ZMYM3: variants seen among roughly 807,000 people sequenced by gnomAD.
ZMYM3 encodes the protein zinc finger MYM-type containing 3.
Under a neutral mutation model 94.2 loss-of-function variants are expected in ZMYM3, and 6 were observed. The ratio of observed to expected loss-of-function variants is 0.06; its 90% confidence interval spans 0.03 to 0.13. The LOEUF (loss-of-function observed/expected upper bound fraction) is 0.13. ZMYM3 is among the 10% of genes least tolerant of loss of function. ZMYM3 has a pLI of 1.00. For missense variants in ZMYM3, 664 were observed against 1,132.6 expected (o/e 0.59, Z 5.94); for synonymous variants, 420 against 426.5 (o/e 0.98, Z 0.19).
intron 22 of ZMYM3, 30 bp downstream of exon 22, chrX:71,242,940 G>A (rs762304945): frequency 1.7e-6 from 2 of 1,150,888 alleles, no homozygotes; most frequent in Non-Finnish European, 2.4e-6. Flanking sequence ...GGAGAAAGCG[G>A]GTAGGGGTTG....
At chrX:71,248,991 G>C (rs779552545) in intron 8 of ZMYM3, 28 bp downstream of exon 8, 17 of 1,209,110 alleles carry the variant, frequency 1.4e-5, no homozygotes, top group Non-Finnish European at 1.8e-5. Context: ...GCCAGCAGGG[G>C]ACTCAGAGAA....
At chrX:71,251,654 C>A in intron 2 of ZMYM3, 53 bp from the exon 3 acceptor site, 1 of 1,114,906 alleles carries the variant, frequency 9.0e-7, no homozygotes, top group Non-Finnish European at 1.2e-6. Flanking sequence ...TCACCACCCT[C>A]TCCCCGGCCC....
chrX:71,250,393 A>C, intron 5 of ZMYM3, 39 bp downstream of exon 5: 2 of 1,166,601 alleles, frequency 1.7e-6, no homozygotes, highest in Non-Finnish European at 2.3e-6. Flanking sequence ...TCCTGCCCAG[A>C]TCCCTGCCCT....
In ZMYM3 at chrX:71,241,058, C is replaced by T. The variant is rs767440069; in HGVS notation, c.3971G>A (p.Arg1324Gln). ...RNDVFYLQPE[R>Q]SCIAESPLWY... ...GAGAGGTGACTCGGCGATGCAGGAC[C>T]GTTCAGGTTGCAGGTAGAACACATC... The change falls in exon 25 of 25, where the codon CGG (arginine) becomes CAG (glutamine). Residue 1324 changes from arginine to glutamine, a missense_variant. Physicochemically the swap from Arg to Gln is conservative, Grantham distance 43 (BLOSUM62 1). Coordinates refer to ENST00000314425, the MANE Select transcript of ZMYM3 (RefSeq NM_201599.3). 7 of 1,211,190 alleles carry T rather than the reference C, an allele frequency of 5.8e-6. No homozygotes were observed. The highest frequency in any genetic ancestry group is 7.8e-6 in the Non-Finnish European group (7 of 895,351).
chrX:71,242,449 C>T, intron 22 of ZMYM3, 25 bp from the exon 23 acceptor site: 1 of 1,204,075 alleles, frequency 8.3e-7, no homozygotes, highest in African/African-American at 1.7e-5. Flanking sequence ...GGGGAGAGGC[C>T]AGTCAGGAGG....
In ZMYM3 at chrX:71,253,005, C is replaced by T. The variant is rs1012530518; in HGVS notation, c.251G>A (p.Gly84Glu). ...GGGAGAGGGGGCTTTATAGAGCAGC[C>T]CCCCCAGCCCCAGCAACTCAGTGGC... ...DGATELLGLG[G>E]LLYKAPSPPE... The change falls in exon 2 of 25, where the codon GGG becomes GAG. Residue 84 changes from glycine (G) to glutamate (E), a missense_variant. Around this residue, in one of 9 missense-constraint regions of ZMYM3, gnomAD observed 196 missense variants for 190.8 expected, o/e 1.03. Coordinates refer to ENST00000314425, the MANE Select transcript of ZMYM3 (RefSeq NM_201599.3). 4 of 1,206,855 alleles carry T rather than the reference C, an allele frequency of 3.3e-6. No individual in the cohort carries two copies. The South Asian group carries it at 5.3e-5, about 16-fold the overall frequency.
Position 71,240,833 on chromosome X carries a change from T to C in ZMYM3, c.*83A>G, listed in dbSNP as rs986245600. The stretch of plus-strand genomic sequence containing the variant: ...TCAGGGCCCTTCAGAATGAGTAGCA[T>C]TGGTTCCTGGGCCTGTCACCCTGAG... On this transcript the variant is annotated 3_prime_UTR_variant, in exon 25 of 25. Transcript: ENST00000314425. 10 of 1,044,397 alleles carry C rather than the reference T, an allele frequency of 9.6e-6. No individual in the cohort carries two copies. Among genetic ancestry groups the C allele is most frequent in the Non-Finnish European group, 1.2e-5 (9 of 758,685 alleles). The allele number at this position is 1,044,397 out of a possible 1,213,427, so 86.1% of individuals were successfully genotyped here.
chrX:71,255,269 T>C (rs778328644), upstream of ZMYM3: 29 of 108,603 alleles, frequency 2.7e-4, no homozygotes, highest in Admixed American at 2.6e-3. Flanking sequence ...TCTCTGCTTC[T>C]CGTGCGCACG....
Position 71,248,292 on chromosome X carries a change from G to A in ZMYM3, c.1845C>T (p.Cys615=), listed in dbSNP as rs1308279993. 8.3e-7 allele frequency: 1 copy of A among 1,205,540 alleles called. No individual in the cohort carries two copies. The highest frequency in any genetic ancestry group is 2.2e-5 in the Admixed American group (1 of 45,593). ...LDWQDQVFQF[C]CRDCCEDFKR... ...TGAAGTCCTCACAGCAATCACGGCA[G>A]CAGAACTGGAACACTTGGTCCTGAG... The change falls in exon 11 of 25, where the codon TGC becomes TGT. Residue 615 remains cysteine (C), a synonymous_variant. Coordinates refer to ENST00000314425, the MANE Select transcript of ZMYM3 (RefSeq NM_201599.3).
At chrX:71,253,414 C>T (rs1044055299) in intron 1 of ZMYM3, 140 bp from the exon 2 acceptor site, 3 of 488,699 alleles carry the variant, frequency 6.1e-6, no homozygotes, top group Non-Finnish European at 9.2e-6. Context: ...CAAGCATTTC[C>T]GAAGGCTTTA....
chrX:71,250,710 C>T lies in ZMYM3; in HGVS notation c.795G>A (p.Glu265=). 8.4e-7 allele frequency: 1 copy of T among 1,196,744 alleles called. No individual in the cohort carries two copies. Among genetic ancestry groups the T allele is most frequent in the Non-Finnish European group, 1.1e-6 (1 of 886,045 alleles). The change falls in exon 5 of 25, where the codon GAG becomes GAA. Residue 265 remains glutamate (E), a synonymous_variant. Coordinates refer to ENST00000314425, the MANE Select transcript of ZMYM3 (RefSeq NM_201599.3). ...DSTESIPVSD[E]DSDAMVDDPN... ...GGTCATCTACCATGGCATCAGAATC[C>T]TCATCTGACACTGGAACTGAGAAAG...
chrX:71,245,963 C>A, intron 16 of ZMYM3, 23 bp downstream of exon 16: 1 of 1,201,637 alleles, frequency 8.3e-7, no homozygotes, highest in Non-Finnish European at 1.1e-6. Context: ...GAGGACCCAG[C>A]CAGGAAGGGC....
At chrX:71,248,553 G>A in intron 9 of ZMYM3, 29 bp from the exon 10 acceptor site, 1 of 1,198,552 alleles carries the variant, frequency 8.3e-7, no homozygotes, top group Non-Finnish European at 1.1e-6. Flanking sequence ...AGTAAGGGAG[G>A]GGCAAGATGT....
chrX:71,250,092 G>A lies in ZMYM3; in HGVS notation c.1185C>T (p.Arg395=). ...CGGGATCCCCAGACTGGGGGATCGG[G>A]CGCTGCTGCTGGGCCTCATACAGGG... The part of the protein sequence containing the change: ...CLSLYEAQQQ[R]PIPQSGDPAD... Residue 395 remains arginine (R), a synonymous_variant, in exon 6 of 25, where the codon CGC becomes CGT. Coordinates refer to ENST00000314425, the MANE Select transcript of ZMYM3 (RefSeq NM_201599.3). 1 of 1,207,116 alleles carries A rather than the reference G, an allele frequency of 8.3e-7. No individual in the cohort carries two copies. Among genetic ancestry groups the A allele is most frequent in the Non-Finnish European group, 1.1e-6 (1 of 893,488 alleles).
chrX:71,241,690 G>A (rs941769073), intron 23 of ZMYM3, among the ~76,000 whole-genome samples: 1 of 111,669 alleles, frequency 9.0e-6, no homozygotes, highest in Non-Finnish European at 1.9e-5. Context: ...AAACAGCAAT[G>A]ACCCCAACCC....
chrX:71,242,114 A>G (rs2029972825), intron 23 of ZMYM3, 56 bp downstream of exon 23: 1 of 1,144,688 alleles, frequency 8.7e-7, no homozygotes, highest in Non-Finnish European at 1.2e-6. Flanking sequence ...ATGGCAGGGC[A>G]TGGAAGGGGA....
chrX:71,248,321 G>T lies in ZMYM3; in HGVS notation c.1825-9C>A, dbSNP rs1409088773. ...AACTGGAACACTTGGTCCTGAGGTGGGGGCACAGGGCAGGGAGGACAAGCT... is the reference window on the plus strand; with the variant it reads ...AACTGGAACACTTGGTCCTGAGGTGTGGGCACAGGGCAGGGAGGACAAGCT... On this transcript the variant is annotated splice_polypyrimidine_tract_variant and intron_variant, in intron 10 of 24. Transcript: ENST00000314425. 1.7e-6 allele frequency: 2 copies of T among 1,196,755 alleles called. No homozygotes were observed. Among genetic ancestry groups the T allele is most frequent in the Non-Finnish European group, 2.3e-6 (2 of 887,827 alleles).
intron 2 of ZMYM3, 65 bp downstream of exon 2, chrX:71,252,524 A>G (rs2030532765): frequency 2.8e-6 from 3 of 1,078,235 alleles, no homozygotes; most frequent in Admixed American, 7.0e-5. Flanking sequence ...CCCAAAGCAC[A>G]TAGCCACCCC....
intron 16 of ZMYM3, 24 bp downstream of exon 16, chrX:71,245,962 G>T: frequency 1.7e-6 from 2 of 1,201,623 alleles, no homozygotes; most frequent in Non-Finnish European, 2.3e-6. Flanking sequence ...GGAGGACCCA[G>T]CCAGGAAGGG....
Sources: gnomAD v4.1 joint callset for allele counts (sites outside exome capture counted in the v4.1 genomes callset) on GRCh38, gnomAD v4.1.1 for gene constraint, gnomAD v4.1.1 regional missense constraint, MANE v1.5 for transcripts, NCBI Gene and HGNC (gene_info 2026-07-23, HGNC 2026-07-21) for gene names.